The following CPEB3 variants were observed in gnomAD, a reference collection of about 807,000 sequenced individuals.
CPEB3 encodes cytoplasmic polyadenylation element binding protein 3.
Under a neutral mutation model 67.2 loss-of-function variants are expected in CPEB3, and 20 were observed. That is an observed-to-expected ratio of 0.30 (90% CI 0.21 to 0.43). The LOEUF (loss-of-function observed/expected upper bound fraction) is 0.43. CPEB3 is among the 20% of genes least tolerant of loss of function. The probability of loss-of-function intolerance (pLI) is 1.00; values close to 1 mark genes in which losing one functional copy is unlikely to be tolerated. For synonymous variants in CPEB3, 376 were observed against 393.1 expected (o/e 0.96, Z 0.51); for missense variants, 746 against 968.6 (o/e 0.77, Z 3.05).
chr10:92,147,312 C>T (rs927661219), intron 4 of CPEB3, among the ~76,000 whole-genome samples: 3 of 151,934 alleles, frequency 2.0e-5, no homozygotes, highest in Admixed American at 1.3e-4. Context: ...AAAAATTAGC[C>T]GGGCATGGTG....
intron 6 of CPEB3, among the ~76,000 whole-genome samples, chr10:92,125,756 G>A (rs538202790): frequency 4.0e-5 from 6 of 151,284 alleles, no homozygotes; most frequent in African/African-American, 9.7e-5. Context: ...GGTCTCACTC[G>A]GTTGCCCAGG....
intron 1 of CPEB3, among the ~76,000 whole-genome samples, chr10:92,250,795 T>C (rs1852260605): frequency 6.6e-6 from 1 of 151,678 alleles, no homozygotes; most frequent in Non-Finnish European, 1.5e-5. Context: ...GTTCAAGCAA[T>C]TCTCATGGCT....
chr10:92,228,488 G>A (rs1025757470), intron 2 of CPEB3, among the ~76,000 whole-genome samples: 2 of 152,044 alleles, frequency 1.3e-5, no homozygotes, highest in Admixed American at 6.6e-5. Flanking sequence ...TAAGAACTAC[G>A]ACTCCTGGAG....
intron 2 of CPEB3, among the ~76,000 whole-genome samples, chr10:92,220,707 T>G (rs533494870): frequency 1.3e-5 from 2 of 152,210 alleles, no homozygotes; most frequent in Non-Finnish European, 2.9e-5. Context: ...TCAATTGTTC[T>G]TACCAGGCCT....
chr10:92,270,713 C>T (rs1382302966), intron 1 of CPEB3, among the ~76,000 whole-genome samples: 1 of 148,512 alleles, frequency 6.7e-6, no homozygotes, highest in Non-Finnish European at 1.5e-5. Flanking sequence ...CAAGTGCGCA[C>T]CACCATGCCC....
intron 2 of CPEB3, among the ~76,000 whole-genome samples, chr10:92,204,684 A>G (rs1389854256): frequency 6.6e-6 from 1 of 152,200 alleles, no homozygotes; most frequent in Non-Finnish European, 1.5e-5. Flanking sequence ...AAACAAAAAC[A>G]AAAAACCCCT....
chr10:92,283,897 T>G (rs1842415959), intron 1 of CPEB3, among the ~76,000 whole-genome samples: 1 of 150,194 alleles, frequency 6.7e-6, no homozygotes, highest in African/African-American at 2.5e-5. Context: ...TGGCTATTTT[T>G]TTGTATTTTT....
rs1228188307 is a variant in CPEB3 at position 92,218,833 on chromosome 10, A to G, written c.1005+20513T>C. ...CTTTTCTTTTTTTTTTTCTCTTTTC[A>G]GACAGGGTCTCAAATCTGCCACCCA... On this transcript the variant is annotated intron_variant, in intron 2 of 9. Transcript: ENST00000265997. Among the ~76,000 whole-genome samples, 3 of 151,452 alleles carry G rather than the reference A, an allele frequency of 2.0e-5. No individual in the cohort carries two copies. The East Asian group carries it at 5.8e-4, about 29-fold the overall frequency.
In CPEB3 at chr10:92,289,808, A is replaced by C. The variant is rs1187737113; in HGVS notation, c.-12+1118T>G. Among the ~76,000 whole-genome samples, 3 of 137,204 alleles carry C rather than the reference A, an allele frequency of 2.2e-5. No individual in the cohort carries two copies. The East Asian group carries it at 6.0e-4, about 28-fold the overall frequency. 90.0% of individuals were successfully genotyped at this position (137,204 alleles called of 152,430 possible). On this transcript the variant is annotated intron_variant, in intron 1 of 9. Transcript: ENST00000265997. ...ATGTATTATATATTATAAATGTATT[A>C]TATATTATATAATACATATATATTA...
chr10:92,232,716 C>A (rs940945215), intron 2 of CPEB3, among the ~76,000 whole-genome samples: 8 of 150,922 alleles, frequency 5.3e-5, no homozygotes, highest in Admixed American at 3.3e-4. Context: ...AGAGACCGTG[C>A]CACTGCATTC....
intron 2 of CPEB3, among the ~76,000 whole-genome samples, chr10:92,202,543 T>G (rs1053142020): frequency 6.7e-6 from 1 of 149,962 alleles, no homozygotes; most frequent in Non-Finnish European, 1.5e-5. Context: ...TATAAAAATT[T>G]TAAAAGTTAA....
chr10:92,254,381 C>A (rs1206068997), intron 1 of CPEB3, among the ~76,000 whole-genome samples: 1 of 152,086 alleles, frequency 6.6e-6, no homozygotes, highest in African/African-American at 2.4e-5. Flanking sequence ...GCAGGAAGTC[C>A]ACATCTTCTG....
intron 8 of CPEB3, 117 bp downstream of exon 8, chr10:92,091,713 C>A: frequency 1.7e-6 from 1 of 588,198 alleles, no homozygotes; most frequent in Non-Finnish European, 3.0e-6. Context: ...TGATGACAGC[C>A]TTCTTTTTGG....
intron 1 of CPEB3, among the ~76,000 whole-genome samples, chr10:92,279,954 T>A (rs1004359818): frequency 6.6e-6 from 1 of 151,890 alleles, no homozygotes; most frequent in African/African-American, 2.4e-5. Flanking sequence ...GAGACTGCAA[T>A]GAGCTAAGAT....
chr10:92,103,209 T>C (rs2133405757), intron 7 of CPEB3, among the ~76,000 whole-genome samples: 1 of 152,344 alleles, frequency 6.6e-6, no homozygotes, highest in African/African-American at 2.4e-5. Flanking sequence ...AAATTTCTGA[T>C]GCCACTAGGT....
At chr10:92,096,287 G>A (rs1843874509) in intron 7 of CPEB3, among the ~76,000 whole-genome samples, 1 of 152,074 alleles carries the variant, frequency 6.6e-6, no homozygotes. Context: ...AAGTAATCTA[G>A]AGACAATTCA....
At chr10:92,095,029 A>G (rs951673239) in intron 7 of CPEB3, among the ~76,000 whole-genome samples, 6 of 152,186 alleles carry the variant, frequency 3.9e-5, no homozygotes, top group African/African-American at 1.4e-4. Context: ...TTCATGTTCA[A>G]TTAATTGAGA....
intron 2 of CPEB3, among the ~76,000 whole-genome samples, chr10:92,201,303 G>A (rs1329576310): frequency 2.6e-5 from 4 of 152,104 alleles, no homozygotes; most frequent in Non-Finnish European, 5.9e-5. Context: ...CGAGGCGGGC[G>A]GATCACCTGA....
intron 2 of CPEB3, among the ~76,000 whole-genome samples, chr10:92,200,888 T>C (rs1188659683): frequency 2.6e-5 from 4 of 152,190 alleles, no homozygotes; most frequent in Non-Finnish European, 5.9e-5. Flanking sequence ...TAGTATATCA[T>C]ACACAGAGAA....
Sources: gnomAD v4.1 joint callset for allele counts (sites outside exome capture counted in the v4.1 genomes callset) on GRCh38, gnomAD v4.1.1 for gene constraint, MANE v1.5 for transcripts, NCBI Gene and HGNC (gene_info 2026-07-23, HGNC 2026-07-21) for gene names.